CREB3L3: variants seen among roughly 807,000 people sequenced by gnomAD.
The protein encoded by CREB3L3 is cAMP responsive element binding protein 3 like 3, also known as cyclic AMP-responsive element-binding protein 3-like protein 3.
A neutral mutation model predicts 44.6 loss-of-function variants in CREB3L3; 40 were observed. That is an observed-to-expected ratio of 0.90 (90% CI 0.70 to 1.17). The LOEUF is 1.17. Ranked by LOEUF, CREB3L3 falls within the 50% of genes most tolerant of loss-of-function variation. The pLI, the probability that CREB3L3 is intolerant of heterozygous loss-of-function variation, is 0.00. For synonymous variants in CREB3L3, 273 were observed against 256.3 expected, an observed-to-expected ratio of 1.06 and a Z score of -0.62; for missense variants, 578 against 595.8, an observed-to-expected ratio of 0.97 and a Z score of 0.31.
At chr19:4,170,112 G>A (rs371337790) in intron 6 of CREB3L3, 28 bp from the exon 7 acceptor site, 2 of 1,612,204 alleles carry the variant, frequency 1.2e-6, no homozygotes, top group Non-Finnish European at 1.7e-6. Context: ...GGCATATGCT[G>A]AATGTCGATG....
In CREB3L3 at chr19:4,171,888, C is replaced by G. The variant is rs113012096; in HGVS notation, c.1305C>G (p.Val435=). 1.5e-5 allele frequency: 24 copies of G among 1,612,804 alleles called. No individual in the cohort carries two copies. Among genetic ancestry groups the G allele is most frequent in the Admixed American group, 1.0e-4 (6 of 59,976 alleles). The change falls in exon 10 of 10, where the codon GTC becomes GTG. Residue 435 remains valine, a synonymous_variant. Transcript: ENST00000078445. This position sits in a 1 kb window ranked among gnomAD's most constrained non-coding sequence, Gnocchi z 4.9. ...ATGCAACAGAGGGGCTGGGCCAGGT[C>G]GCCCTGCTGGACTGGGTGGCGCCTG... ...LRNATEGLGQ[V]ALLDWVAPGP...
chr19:4,164,660 C>T lies in CREB3L3; in HGVS notation c.714+20C>T. The T allele has an allele frequency of 6.2e-7, 1 of 1,613,754 alleles. No individual in the cohort carries two copies. The highest frequency in any genetic ancestry group is 8.5e-7 in the Non-Finnish European group (1 of 1,179,890). On this transcript the variant is annotated intron_variant, in intron 5 of 9. Transcript: ENST00000078445. ...ACTAAGGTGAGTCTGGGGGGACTTC[C>T]AGCCCTGGATCCATCTCCCCTTCGT... is the stretch of plus-strand genomic sequence containing the variant.
intron 5 of CREB3L3, among the ~76,000 whole-genome samples, chr19:4,167,352 A>AAGAAAG (rs377740874): frequency 0.093 from 12,103 of 129,808 alleles, 1,048 homozygotes; most frequent in East Asian, 0.33. Flanking sequence ...GAAAGAAAGA[A>AAGAAAG]AGAGAGAGAG....
At chr19:4,166,421 A>ATTTTTT (rs35783380) in intron 5 of CREB3L3, among the ~76,000 whole-genome samples, 1 of 103,744 alleles carries the variant, frequency 9.6e-6, no homozygotes, top group Admixed American at 1.1e-4. Context: ...CGCCTGGCTA[A>ATTTTTT]TTTTTTTTTT....
chr19:4,157,145 C>T lies in CREB3L3; in HGVS notation c.307C>T (p.Arg103Cys), dbSNP rs751875949. ...CTCCGACCCCCAGGACACCCCTCCA[C>T]GCAGCGGACCAGCCACCTCCCCCGC... ...LPSDPQDTPP[R>C]SGPATSPAGC... Residue 103 changes from arginine to cysteine, a missense_variant, in exon 3 of 10, where the codon CGC (arginine) becomes TGC (cysteine). Arg to Cys is a radical substitution (Grantham distance 180, BLOSUM62 -3). Coordinates refer to ENST00000078445, the MANE Select transcript of CREB3L3 (RefSeq NM_032607.3). 39 of 1,613,870 alleles carry T rather than the reference C, an allele frequency of 2.4e-5. No homozygotes were observed. The highest frequency in any genetic ancestry group is 3.1e-5 in the Non-Finnish European group (36 of 1,180,002).
At chr19:4,170,842 CG>C (rs1967029009) in intron 7 of CREB3L3, among the ~76,000 whole-genome samples, 1 of 151,590 alleles carries the variant, frequency 6.6e-6, no homozygotes, top group Non-Finnish European at 1.5e-5. Flanking sequence ...ACCTGGGAGG[CG>C]GAGCTTGCAG....
chr19:4,161,688 G>T (rs2041664503), intron 4 of CREB3L3, among the ~76,000 whole-genome samples: 1 of 152,212 alleles, frequency 6.6e-6, no homozygotes, highest in Non-Finnish European at 1.5e-5. Flanking sequence ...CAGCATGCAA[G>T]TGGCAGACTC....
Position 4,159,754 on chromosome 19 carries a change from T to C in CREB3L3, c.548T>C (p.Leu183Pro), listed in dbSNP as rs768665621. Residue 183 changes from leucine (L) to proline (P), a missense_variant, in exon 4 of 10, where the codon CTC becomes CCC. By Grantham distance (98) the Leu-to-Pro change is moderately conservative. Coordinates refer to ENST00000078445, the MANE Select transcript of CREB3L3 (RefSeq NM_032607.3). Reference sequence around the variant, plus strand: ...CGATGCAATCTCACCGTGAAAGACCTCCTCCTTTCGGGCAGCAGTGGGGAC... The same window carrying C: ...CGATGCAATCTCACCGTGAAAGACCCCCTCCTTTCGGGCAGCAGTGGGGAC... ...SPRCNLTVKD[L>P]LLSGSSGDLQ... 2.5e-6 allele frequency: 4 copies of C among 1,570,588 alleles called. No homozygotes were observed. The East Asian group carries it at 9.0e-5, about 35-fold the overall frequency.
At chr19:4,159,004 A>G (rs1197639412) in intron 3 of CREB3L3, among the ~76,000 whole-genome samples, 5 of 152,138 alleles carry the variant, frequency 3.3e-5, no homozygotes, top group Non-Finnish European at 7.4e-5. Flanking sequence ...TGGGTGAGAT[A>G]ACGCCTGGCT....
At chr19:4,163,343 AGAAAGAAAGAAG>A (rs1203059671) in intron 4 of CREB3L3, among the ~76,000 whole-genome samples, 8 of 149,094 alleles carry the variant, frequency 5.4e-5, no homozygotes, top group Middle Eastern at 3.5e-3. Context: ...AAAGAAAGAA[AGAAAGAAAGAAG>A]GAAGGAAGGA....
chr19:4,170,088 G>T, intron 6 of CREB3L3, 52 bp from the exon 7 acceptor site: 1 of 1,575,596 alleles, frequency 6.3e-7, no homozygotes, highest in Non-Finnish European at 8.7e-7. Flanking sequence ...TGTCAGTGGG[G>T]CCAGCTGGTG....
At chr19:4,156,498 C>CT (rs1031702350) in intron 2 of CREB3L3, among the ~76,000 whole-genome samples, 3 of 140,692 alleles carry the variant, frequency 2.1e-5, no homozygotes, top group East Asian at 2.2e-4. Flanking sequence ...TTTTGTTTTT[C>CT]TTTTTTTCTT....
rs1967090539 is a variant in CREB3L3 at position 4,172,927 on chromosome 19, AG to A, written c.*959del. 1 of 153,386 alleles carries A rather than the reference AG, an allele frequency of 6.5e-6. No homozygotes were observed. The highest frequency in any genetic ancestry group is 2.0e-4 in the South Asian group (1 of 5,024). The allele number at this position is 153,386 out of a possible 1,614,324, so 9.5% of individuals were successfully genotyped here. On this transcript the variant is annotated 3_prime_UTR_variant, in exon 10 of 10. Coordinates refer to ENST00000078445, the MANE Select transcript of CREB3L3 (RefSeq NM_032607.3). ...CCTCCCTCGCACACTGGGAGGAGGAAGCCGCCGAGACTGCAGGGAGCCTGGC... is the reference window on the plus strand; with the variant it reads ...CCTCCCTCGCACACTGGGAGGAGGAACCGCCGAGACTGCAGGGAGCCTGGC...
At chr19:4,156,883 A>T in intron 2 of CREB3L3, 112 bp from the exon 3 acceptor site, 1 of 1,084,378 alleles carries the variant, frequency 9.2e-7, no homozygotes, top group East Asian at 2.4e-5. Flanking sequence ...ATCTTGGAGA[A>T]GGGAAGGACA....
In CREB3L3 at chr19:4,171,469, G is replaced by A. The variant is rs201642168; in HGVS notation, c.1062G>A (p.Ala354=). Residue 354 remains alanine, a synonymous_variant, in exon 9 of 10, where the codon GCG becomes GCA. Transcript: ENST00000078445. This position sits in a 1 kb window ranked among gnomAD's most constrained non-coding sequence, Gnocchi z 4.9. ...AAACCGAGAGCCCTGGGGACTTTGC[G>A]CCTGTACGAGGTAGGGGATCCCCAC... is the stretch of plus-strand genomic sequence containing the variant. The part of the protein sequence containing the change: ...PNKTESPGDF[A]PVRVFSRTLH... 7.8e-5 allele frequency: 126 copies of A among 1,613,966 alleles called. No homozygotes were observed. Among genetic ancestry groups the A allele is most frequent in the Middle Eastern group, 1.6e-4 (1 of 6,062 alleles).
intron 4 of CREB3L3, among the ~76,000 whole-genome samples, chr19:4,161,865 TACAGAAA>T (rs2041666139): frequency 1.3e-5 from 2 of 151,902 alleles, no homozygotes; most frequent in Non-Finnish European, 2.9e-5. Flanking sequence ...CATTAAGGTG[TACAGAAA>T]AGAAAGAGAG....
intron 5 of CREB3L3, among the ~76,000 whole-genome samples, chr19:4,167,973 T>TTTTATTTATTTATTTATTTA (rs58194210): frequency 4.9e-4 from 71 of 144,886 alleles, no homozygotes; most frequent in East Asian, 1.8e-3. Context: ...ATTTTAATTA[T>TTTTATTTATTTATTTATTTA]TTTATTTATT....
At chr19:4,166,246 G>T in intron 5 of CREB3L3, among the ~76,000 whole-genome samples, 1 of 151,122 alleles carries the variant, frequency 6.6e-6, no homozygotes. Context: ...ATGCCATTAT[G>T]CCTAGCTAAT....
chr19:4,155,746 ACT>A (rs1314611786), intron 2 of CREB3L3, among the ~76,000 whole-genome samples: 2 of 63,850 alleles, frequency 3.1e-5, no homozygotes, highest in Non-Finnish European at 5.9e-5. Context: ...TCTTTCTTTT[ACT>A]CTCTTTTTTT....
Sources: gnomAD v4.1 joint callset for allele counts (sites outside exome capture counted in the v4.1 genomes callset) on GRCh38, gnomAD v4.1.1 for gene constraint, Gnocchi (gnomAD v3.1) non-coding constraint, MANE v1.5 for transcripts, NCBI Gene and HGNC (gene_info 2026-07-23, HGNC 2026-07-21) for gene names.